IPMK: variants seen among roughly 807,000 people sequenced by gnomAD.
The protein encoded by IPMK is inositol polyphosphate multikinase, also known as inositol 1,3,4,6-tetrakisphosphate 5-kinase.
Under a neutral mutation model 45.8 loss-of-function variants are expected in IPMK, and 17 were observed. The observed-to-expected ratio is 0.37, with a 90% CI of 0.25 to 0.56. The LOEUF (loss-of-function observed/expected upper bound fraction) is 0.56, where lower values mean the gene tolerates loss of function less well. IPMK is among the 20% of genes least tolerant of loss of function. The pLI is 0.79. For missense variants in IPMK, 399 were observed against 498.0 expected, an observed-to-expected ratio of 0.80 and a Z score of 1.89; for synonymous variants, 180 against 184.3, an observed-to-expected ratio of 0.98 and a Z score of 0.19.
intron 1 of IPMK, among the ~76,000 whole-genome samples, chr10:58,246,224 C>T (rs920646248): frequency 6.0e-5 from 9 of 149,260 alleles, no homozygotes; most frequent in African/African-American, 2.3e-4. Context: ...AATGGCCATA[C>T]TGCCCAAGGT....
At chr10:58,204,300 A>AT (rs933206726) in intron 4 of IPMK, among the ~76,000 whole-genome samples, 33 of 151,456 alleles carry the variant, frequency 2.2e-4, no homozygotes, top group South Asian at 4.2e-4. Flanking sequence ...AAAGTATCCA[A>AT]TTTTTTTTTA....
In IPMK at chr10:58,193,351, C is replaced by G. The variant is rs186109311; in HGVS notation, c.*2725G>C. 1 of 151,830 alleles carries G rather than the reference C, an allele frequency of 6.6e-6. No homozygotes were observed. Among genetic ancestry groups the G allele is most frequent in the Non-Finnish European group, 1.5e-5 (1 of 67,782 alleles). 9.4% of individuals were successfully genotyped at this position (151,830 alleles called of 1,614,324 possible). On this transcript the variant is annotated 3_prime_UTR_variant, in exon 6 of 6. Transcript: ENST00000373935. ...GTAGTGTAAAGAGGAAAAGTAAGTA[C>G]AATCTTTCCAGACACACAACTAATA...
At chr10:58,201,073 A>G (rs1308618098) in intron 4 of IPMK, among the ~76,000 whole-genome samples, 1 of 152,260 alleles carries the variant, frequency 6.6e-6, no homozygotes. Context: ...GGAAAAAACA[A>G]GAAACAAAGT....
At position 58,211,919 on chromosome 10, in the gene IPMK, A is replaced by AAAAAAAAAAAAAAAT. The variant is rs967150743; in HGVS notation, c.546+4225_546+4226insATTTTTTTTTTTTTT. Among the ~76,000 whole-genome samples, 12 of 148,270 alleles carry AAAAAAAAAAAAAAAT rather than the reference A, an allele frequency of 8.1e-5. 1 individual carries two copies. Among genetic ancestry groups the AAAAAAAAAAAAAAAT allele is most frequent in the African/African-American group, 2.9e-4 (11 of 38,280 alleles). ...ATCTCACCAAAAAAAAAAAAAAAAA[A>AAAAAAAAAAAAAAAT]AAAAAATTTGTTTTCATTGTTGTGG... is the stretch of plus-strand genomic sequence containing the variant. On this transcript the variant is annotated intron_variant, in intron 4 of 5. Transcript: ENST00000373935.
intron 4 of IPMK, chr10:58,212,844 TTTG>T (rs1372367930): frequency 4.4e-6 from 1 of 229,318 alleles, no homozygotes; most frequent in East Asian, 1.1e-4. Context: ...TAACTGTGGT[TTTG>T]GTACCTTTGC....
intron 4 of IPMK, chr10:58,212,766 G>A: frequency 4.5e-6 from 1 of 222,426 alleles, no homozygotes; most frequent in Non-Finnish European, 9.9e-6. Flanking sequence ...CTTTGATGTA[G>A]TTCTTGTAGG....
At chr10:58,197,494 CA>C (rs1227040289) in intron 5 of IPMK, among the ~76,000 whole-genome samples, 1 of 150,610 alleles carries the variant, frequency 6.6e-6, no homozygotes, top group Non-Finnish European at 1.5e-5. Context: ...ACTAAAAACA[CA>C]AAAAATTAGC....
intron 1 of IPMK, among the ~76,000 whole-genome samples, chr10:58,255,049 G>C (rs1235821941): frequency 1.3e-5 from 2 of 152,204 alleles, no homozygotes; most frequent in Non-Finnish European, 2.9e-5. Flanking sequence ...TCTATCCAGG[G>C]AAGGTTCCAT....
intron 4 of IPMK, among the ~76,000 whole-genome samples, chr10:58,206,815 T>G (rs1384932604): frequency 6.6e-6 from 1 of 152,108 alleles, no homozygotes; most frequent in Non-Finnish European, 1.5e-5. Flanking sequence ...GTCCATTATC[T>G]CATTCTTATG....
intron 1 of IPMK, among the ~76,000 whole-genome samples, chr10:58,246,333 T>C (rs1033083072): frequency 1.1e-4 from 17 of 148,066 alleles, no homozygotes; most frequent in Admixed American, 8.0e-4. Context: ...CAAAAAAGAG[T>C]CCGCATCGCC....
chr10:58,262,831 T>G (rs1035609473), intron 1 of IPMK, among the ~76,000 whole-genome samples: 1 of 152,176 alleles, frequency 6.6e-6, no homozygotes, highest in East Asian at 1.9e-4. Context: ...GAATCCATGA[T>G]GCAAACTGAT....
At chr10:58,238,644 AT>A (rs923106841) in intron 1 of IPMK, among the ~76,000 whole-genome samples, 9 of 152,170 alleles carry the variant, frequency 5.9e-5, no homozygotes, top group Admixed American at 2.0e-4. Context: ...AGTGTTAGGA[AT>A]TTTTTTCTTT....
intron 1 of IPMK, among the ~76,000 whole-genome samples, chr10:58,251,516 T>C (rs1838879796): frequency 6.6e-6 from 1 of 152,200 alleles, no homozygotes; most frequent in African/African-American, 2.4e-5. Context: ...TACAGTCCAA[T>C]TTAACTCTGG....
At chr10:58,224,592 T>C (rs537640774) in intron 3 of IPMK, among the ~76,000 whole-genome samples, 1 of 152,250 alleles carries the variant, frequency 6.6e-6, no homozygotes, top group African/African-American at 2.4e-5. Context: ...ATAACAAAAT[T>C]AAAAGAAAAA....
intron 3 of IPMK, 46 bp from the exon 4 acceptor site, chr10:58,216,363 C>T (rs1342971117): frequency 1.1e-6 from 1 of 888,396 alleles, no homozygotes; most frequent in East Asian, 3.1e-5. Flanking sequence ...AAACATATTA[C>T]TACTCAAGTA....
chr10:58,234,464 G>A (rs1838577005), intron 2 of IPMK, among the ~76,000 whole-genome samples: 1 of 152,266 alleles, frequency 6.6e-6, no homozygotes, highest in Non-Finnish European at 1.5e-5. Flanking sequence ...AACCAAAACA[G>A]AGATATAGAC....
intron 3 of IPMK, among the ~76,000 whole-genome samples, chr10:58,222,319 CAAGTA>C (rs755365045): frequency 3.4e-4 from 52 of 152,212 alleles, no homozygotes; most frequent in Admixed American, 1.9e-3. Context: ...ATGTAGTTTA[CAAGTA>C]AAGGCAGAAT....
chr10:58,229,562 CA>C (rs574403627), intron 2 of IPMK, among the ~76,000 whole-genome samples: 2,143 of 72,920 alleles, frequency 0.029, 23 homozygotes, highest in Middle Eastern at 0.061. Flanking sequence ...GACCACGTCT[CA>C]AAAAAAAAAA....
intron 5 of IPMK, among the ~76,000 whole-genome samples, chr10:58,198,570 T>C (rs1837943122): frequency 6.6e-6 from 1 of 152,212 alleles, no homozygotes; most frequent in African/African-American, 2.4e-5. Context: ...GCTTTCTATA[T>C]ATAAAATAAG....
Sources: allele counts gnomAD v4.1 joint callset (sites outside exome capture counted in the v4.1 genomes callset), GRCh38; gene constraint gnomAD v4.1.1; transcripts MANE v1.5; gene names NCBI Gene and HGNC (gene_info 2026-07-23, HGNC 2026-07-21).